Variants in CLSTN2 observed in about 807,000 individuals in gnomAD.
CLSTN2 encodes calsyntenin-2.
A neutral mutation model predicts 101.2 loss-of-function variants in CLSTN2; 48 were observed. The ratio of observed to expected loss-of-function variants is 0.47; its 90% CI spans 0.38 to 0.60. The LOEUF (loss-of-function observed/expected upper bound fraction) is 0.60, where lower values mean the gene tolerates loss of function less well. Ranked by LOEUF, CLSTN2 falls within the 20% of genes least tolerant of loss-of-function variation. The pLI is 0.00. For synonymous variants in CLSTN2, 481 were observed against 463.6 expected (o/e 1.04, Z -0.48); for missense variants, 1,160 against 1,238.2 (o/e 0.94, Z 0.95).
intron 5 of CLSTN2, among the ~76,000 whole-genome samples, chr3:140,443,359 A>G (rs552553735): frequency 2.6e-5 from 4 of 152,388 alleles, no homozygotes; most frequent in Admixed American, 2.6e-4. Context: ...TATGCTTTCC[A>G]GAAGTCTCTT....
chr3:139,956,824 G>A (rs1386483110), intron 1 of CLSTN2, among the ~76,000 whole-genome samples: 1 of 151,902 alleles, frequency 6.6e-6, no homozygotes, highest in African/African-American at 2.4e-5. Context: ...TTTTTTTCTG[G>A]TATGCATCCT....
Position 140,490,107 on chromosome 3 carries a change from TATATATATATACACACAC to T in CLSTN2, c.1344+23378_1344+23395del, listed in dbSNP as rs1286009996. 2.8e-3 allele frequency among the ~76,000 whole-genome samples: 20 copies of T among 7,052 alleles called. 6 individuals carry two copies. Among genetic ancestry groups the T allele is most frequent in the Middle Eastern group, 0.045 (1 of 22 alleles). The allele number at this position is 7,052 out of a possible 152,430, so 4.6% of individuals were successfully genotyped here. On this transcript the variant is annotated intron_variant, in intron 8 of 16. Coordinates refer to ENST00000458420, the MANE Select transcript of CLSTN2 (RefSeq NM_022131.3). ...GTGTGTGTATATATATATATATATA[TATATATATATACACACAC>T]ACACACACACACACACACACACACA...
chr3:140,376,292 C>T (rs1305886831), intron 2 of CLSTN2, among the ~76,000 whole-genome samples: 3 of 152,224 alleles, frequency 2.0e-5, no homozygotes, highest in Non-Finnish European at 2.9e-5. Context: ...ACCCCACCTC[C>T]ATCAGCTATA....
chr3:140,472,030 C>T (rs1011122033), intron 8 of CLSTN2, among the ~76,000 whole-genome samples: 1 of 152,170 alleles, frequency 6.6e-6, no homozygotes, highest in Non-Finnish European at 1.5e-5. Flanking sequence ...AGAGGATTCA[C>T]CTTTGTGAAT....
At chr3:140,547,543 A>G (rs1378933749) in intron 10 of CLSTN2, among the ~76,000 whole-genome samples, 1 of 152,174 alleles carries the variant, frequency 6.6e-6, no homozygotes, top group African/African-American at 2.4e-5. Context: ...TGTATTGTTT[A>G]TGCAAAATAG....
In CLSTN2 at chr3:139,935,294, C is replaced by A. The variant is rs1934999689; in HGVS notation, c.-81C>A. On this transcript the variant is annotated 5_prime_UTR_variant, in exon 1 of 17. Coordinates refer to ENST00000458420, the MANE Select transcript of CLSTN2 (RefSeq NM_022131.3). This position sits in a 1 kb window ranked among gnomAD's most constrained non-coding sequence, Gnocchi z 5.5. ...ACCCATCGGGCACGGCGAGGCGGCC[C>A]ACGGTGCGGCAGGCACCGGGAGGCG... 2 of 744,298 alleles carry A rather than the reference C, an allele frequency of 2.7e-6. No individual in the cohort carries two copies. Among genetic ancestry groups the A allele is most frequent in the African/African-American group, 1.8e-5 (1 of 54,716 alleles). 46.1% of individuals were successfully genotyped at this position (744,298 alleles called of 1,614,324 possible).
At chr3:140,447,911 G>A (rs1438372183) in intron 5 of CLSTN2, among the ~76,000 whole-genome samples, 1 of 152,204 alleles carries the variant, frequency 6.6e-6, no homozygotes, top group Non-Finnish European at 1.5e-5. Flanking sequence ...TGAAATGAAT[G>A]TAAGAAGGTT....
At chr3:140,107,957 C>T (rs977063218) in intron 1 of CLSTN2, among the ~76,000 whole-genome samples, 2 of 152,136 alleles carry the variant, frequency 1.3e-5, no homozygotes, top group African/African-American at 4.8e-5. Flanking sequence ...CAGCAATAGG[C>T]AATTTGGGAC....
intron 2 of CLSTN2, among the ~76,000 whole-genome samples, chr3:140,260,406 A>T (rs2086641772): frequency 6.6e-6 from 1 of 151,836 alleles, no homozygotes; most frequent in South Asian, 2.1e-4. Flanking sequence ...TTAGTTTCCT[A>T]AGAGTTTTCT....
At chr3:140,305,622 AG>A (rs2087106824) in intron 2 of CLSTN2, among the ~76,000 whole-genome samples, 2 of 152,188 alleles carry the variant, frequency 1.3e-5, no homozygotes, top group South Asian at 4.1e-4. Flanking sequence ...GGACAGCCAT[AG>A]TCCTTACCTT....
chr3:140,205,901 C>T (rs2010776195), intron 2 of CLSTN2, among the ~76,000 whole-genome samples: 1 of 152,146 alleles, frequency 6.6e-6, no homozygotes, highest in Non-Finnish European at 1.5e-5. Context: ...GGATGGAGCG[C>T]CTGTGTGCAC....
At chr3:140,274,554 G>T (rs2086776521) in intron 2 of CLSTN2, among the ~76,000 whole-genome samples, 1 of 152,192 alleles carries the variant, frequency 6.6e-6, no homozygotes, top group Non-Finnish European at 1.5e-5. Flanking sequence ...GGATGTCCGG[G>T]GCACTGGGAG....
At chr3:140,036,259 C>CT (rs372784881) in intron 1 of CLSTN2, among the ~76,000 whole-genome samples, 5,625 of 152,094 alleles carry the variant, frequency 0.037, 329 homozygotes, top group African/African-American at 0.12. Flanking sequence ...ATACATTCTA[C>CT]TTACGTTCTG....
At chr3:140,490,444 A>C (rs1340385996) in intron 8 of CLSTN2, among the ~76,000 whole-genome samples, 1 of 151,492 alleles carries the variant, frequency 6.6e-6, no homozygotes, top group Non-Finnish European at 1.5e-5. Context: ...ACGGACACTT[A>C]TTCCAGAAAA....
intron 5 of CLSTN2, among the ~76,000 whole-genome samples, chr3:140,443,938 C>T (rs2108005792): frequency 6.6e-6 from 1 of 152,352 alleles, no homozygotes; most frequent in South Asian, 2.1e-4. Context: ...TGGATTTCTG[C>T]AGTCTTCAGT....
At chr3:140,102,607 A>G (rs898859851) in intron 1 of CLSTN2, among the ~76,000 whole-genome samples, 8 of 152,200 alleles carry the variant, frequency 5.3e-5, no homozygotes, top group East Asian at 1.9e-4. Context: ...CTAAAACTCA[A>G]TTGAAAGCCA....
intron 1 of CLSTN2, among the ~76,000 whole-genome samples, chr3:140,076,630 T>TTG (rs1397284692): frequency 3.7e-5 from 5 of 136,554 alleles, no homozygotes; most frequent in African/African-American, 1.4e-4. Context: ...GCAGTGTTTT[T>TTG]TTTTTTTTTT....
chr3:140,368,004 C>T (rs1201309486), intron 2 of CLSTN2, among the ~76,000 whole-genome samples: 1 of 152,170 alleles, frequency 6.6e-6, no homozygotes, highest in Non-Finnish European at 1.5e-5. Context: ...ACTTGTCTTC[C>T]AGACCCTAAA....
intron 2 of CLSTN2, among the ~76,000 whole-genome samples, chr3:140,355,740 T>C (rs1349873341): frequency 6.6e-6 from 1 of 152,184 alleles, no homozygotes; most frequent in Non-Finnish European, 1.5e-5. Flanking sequence ...GGGGATGCCA[T>C]GGCTGTATCA....
Sources: gnomAD v4.1 joint callset for allele counts (sites outside exome capture counted in the v4.1 genomes callset) on GRCh38, gnomAD v4.1.1 for gene constraint, Gnocchi (gnomAD v3.1) non-coding constraint, MANE v1.5 for transcripts, NCBI Gene and HGNC (gene_info 2026-07-23, HGNC 2026-07-21) for gene names.